PARVG: variants seen among roughly 807,000 people sequenced by gnomAD.
PARVG encodes gamma-parvin.
PARVG carries 36 observed loss-of-function variants against 44.4 expected under a neutral mutation model. That is an observed-to-expected ratio of 0.81 (90% CI 0.62 to 1.07). The LOEUF (loss-of-function observed/expected upper bound fraction) is 1.07, where lower values mean the gene tolerates loss of function less well. PARVG is among the 50% of genes least tolerant of loss of function. PARVG has a pLI of 0.00. For synonymous variants in PARVG, 170 were observed against 174.1 expected, an observed-to-expected ratio of 0.98 and a Z score of 0.19; for missense variants, 407 against 407.4, an observed-to-expected ratio of 1.00 and a Z score of 0.01.
At chr22:44,191,063 G>C (rs1411984235) in intron 7 of PARVG, among the ~76,000 whole-genome samples, 2 of 152,214 alleles carry the variant, frequency 1.3e-5, no homozygotes, top group Non-Finnish European at 2.9e-5. Flanking sequence ...TGAGGGTACT[G>C]TCTCCTGTGA....
intron 1 of PARVG, among the ~76,000 whole-genome samples, chr22:44,175,483 C>T (rs955555834): frequency 6.6e-6 from 1 of 152,228 alleles, no homozygotes; most frequent in Non-Finnish European, 1.5e-5. Context: ...TTGGGCAGCT[C>T]AGAATTAGTG....
intron 4 of PARVG, chr22:44,186,697 C>G (rs1015850587): frequency 2.1e-6 from 1 of 469,724 alleles, no homozygotes; most frequent in Non-Finnish European, 4.4e-6. Context: ...GATCCAGAGA[C>G]AAGGATTTGG....
rs768377830 is a variant in PARVG at position 44,189,207 on chromosome 22, A to G, written c.341A>G (p.Asn114Ser). The G allele has an allele frequency of 6.2e-7, 1 of 1,614,228 alleles. No individual in the cohort carries two copies. Among genetic ancestry groups the G allele is most frequent in the South Asian group, 1.1e-5 (1 of 91,088 alleles). Residue 114 changes from asparagine to serine, a missense_variant, in exon 6 of 14, where the codon AAC (asparagine) becomes AGC (serine). Asn to Ser is a conservative substitution (Grantham distance 46). Coordinates refer to ENST00000444313, the MANE Select transcript of PARVG (RefSeq NM_022141.7). ...CTCACAGTGGTGCTGGAGGCCGTGAACCGGAGTCTGCAGCTGGAGGAGTGG... is the reference window on the plus strand; with the variant it reads ...CTCACAGTGGTGCTGGAGGCCGTGAGCCGGAGTCTGCAGCTGGAGGAGTGG... ...HKLTVVLEAV[N>S]RSLQLEEWQA...
chr22:44,190,570 G>A lies in PARVG; in HGVS notation c.408G>A (p.Leu136=), dbSNP rs745337844. ...WSVESIFNKD[L]LSTLHLLVAL... Reference sequence around the variant, plus strand: ...TCCCAGGCATCTTCAACAAGGACCTGTTGTCTACCCTGCACCTCCTTGTGG... The same window carrying A: ...TCCCAGGCATCTTCAACAAGGACCTATTGTCTACCCTGCACCTCCTTGTGG... Residue 136 remains leucine (L), a synonymous_variant, in exon 7 of 14, where the codon CTG becomes CTA. Coordinates refer to ENST00000444313, the MANE Select transcript of PARVG (RefSeq NM_022141.7). The A allele has an allele frequency of 6.2e-7, 1 of 1,614,156 alleles. No individual in the cohort carries two copies. Among genetic ancestry groups the A allele is most frequent in the Admixed American group, 1.7e-5 (1 of 60,030 alleles).
chr22:44,175,241 A>T (rs940583079), intron 1 of PARVG, among the ~76,000 whole-genome samples: 1 of 152,308 alleles, frequency 6.6e-6, no homozygotes, highest in Admixed American at 6.5e-5. Flanking sequence ...CGTGGTGGGG[A>T]GGGGGCTCTC....
Position 44,181,883 on chromosome 22 carries a change from G to A in PARVG, c.-47G>A. On this transcript the variant is annotated 5_prime_UTR_variant, in exon 2 of 14. Transcript: ENST00000444313. ...ATCCAGGGACCACCCTTTGCACTCAGTAGGCCTTTGTTTTCCTGCGTGGAA... is the reference window on the plus strand; with the variant it reads ...ATCCAGGGACCACCCTTTGCACTCAATAGGCCTTTGTTTTCCTGCGTGGAA... The A allele has an allele frequency of 1.0e-6, 1 of 985,560 alleles. No homozygotes were observed. The highest frequency in any genetic ancestry group is 1.2e-6 in the Non-Finnish European group (1 of 830,036). 61.1% of individuals were successfully genotyped at this position (985,560 alleles called of 1,614,324 possible). A position where few individuals can be genotyped will look rare whatever the true frequency, so the allele number is the denominator to read the frequency against.
At chr22:44,181,325 CA>C in intron 1 of PARVG, 140 bp downstream of exon 1, 1 of 985,362 alleles carries the variant, frequency 1.0e-6, no homozygotes, top group Non-Finnish European at 1.2e-6. Flanking sequence ...AGCCTCAGCT[CA>C]GGGGCGGGCA....
At chr22:44,200,118 G>A (rs556186086) in intron 12 of PARVG, among the ~76,000 whole-genome samples, 1 of 152,342 alleles carries the variant, frequency 6.6e-6, no homozygotes, top group African/African-American at 2.4e-5. Flanking sequence ...CCTGTGGTGT[G>A]TGCCACCACT....
intron 3 of PARVG, chr22:44,183,714 A>C: frequency 2.4e-6 from 1 of 417,860 alleles, no homozygotes; most frequent in South Asian, 8.0e-5. Context: ...ATAGCAACTC[A>C]TTTATTCTCA....
intron 11 of PARVG, among the ~76,000 whole-genome samples, chr22:44,197,821 G>C (rs962228330): frequency 1.3e-5 from 2 of 152,206 alleles, no homozygotes; most frequent in Admixed American, 6.5e-5. Flanking sequence ...AAATAAGTGA[G>C]AGATTTGTAG....
intron 12 of PARVG, among the ~76,000 whole-genome samples, chr22:44,200,995 A>C: frequency 6.7e-6 from 1 of 149,936 alleles, no homozygotes. Flanking sequence ...CTTCCTGCCG[A>C]CTCCCAGCCA....
chr22:44,185,728 A>C, intron 3 of PARVG, 80 bp from the exon 4 acceptor site: 1 of 1,300,848 alleles, frequency 7.7e-7, no homozygotes, highest in Middle Eastern at 1.8e-4. Flanking sequence ...CGGTGCTGAA[A>C]TCTGTGGGTG....
chr22:44,197,181 C>T (rs1233269257), intron 11 of PARVG, among the ~76,000 whole-genome samples: 2 of 152,058 alleles, frequency 1.3e-5, no homozygotes, highest in East Asian at 1.9e-4. Context: ...TCATGAAGAT[C>T]GTAGCCAGAG....
At chr22:44,203,533 T>C (rs560984140) in intron 12 of PARVG, among the ~76,000 whole-genome samples, 152 of 152,316 alleles carry the variant, frequency 1.0e-3, no homozygotes, top group African/African-American at 3.3e-3. Context: ...GCTCGCTGAA[T>C]GTATCAAAGG....
intron 2 of PARVG, 182 bp from the exon 3 acceptor site, chr22:44,183,136 A>G (rs1322548959): frequency 1.8e-6 from 1 of 542,812 alleles, no homozygotes; most frequent in East Asian, 3.4e-5. Context: ...TCACCCCGCA[A>G]GGGTTGGCTC....
intron 12 of PARVG, among the ~76,000 whole-genome samples, chr22:44,202,345 C>T (rs1334347693): frequency 6.6e-6 from 1 of 152,168 alleles, no homozygotes; most frequent in African/African-American, 2.4e-5. Context: ...AGGAAGGGGG[C>T]AGGCAGGACC....
At chr22:44,191,120 T>G (rs1308734922) in intron 7 of PARVG, among the ~76,000 whole-genome samples, 2 of 152,208 alleles carry the variant, frequency 1.3e-5, no homozygotes, top group African/African-American at 4.8e-5. Context: ...CTAGGAACCT[T>G]GCCGGGTTTC....
Position 44,183,177 on chromosome 22 carries a change from C to A in PARVG, c.-12-141C>A, listed in dbSNP as rs1035113027. 4 of 700,396 alleles carry A rather than the reference C, an allele frequency of 5.7e-6. No individual in the cohort carries two copies. The South Asian group carries it at 6.0e-5, about 10-fold the overall frequency. 43.4% of individuals were successfully genotyped at this position (700,396 alleles called of 1,614,324 possible). On this transcript the variant is annotated intron_variant, in intron 2 of 13. Transcript: ENST00000444313. ...CTCTTTCTCACAGGGCCCGTACCCC[C>A]TGCCTAGGCTGGCATGCTGACGTGT...
At chr22:44,187,369 G>T (rs1038722488) in intron 4 of PARVG, 1 of 230,378 alleles carries the variant, frequency 4.3e-6, no homozygotes, top group Non-Finnish European at 8.7e-6. Context: ...ACCTCAGAAG[G>T]GGCACCTTTA....
Sources: gnomAD v4.1 joint callset for allele counts (sites outside exome capture counted in the v4.1 genomes callset) on GRCh38, gnomAD v4.1.1 for gene constraint, MANE v1.5 for transcripts, NCBI Gene and HGNC (gene_info 2026-07-23, HGNC 2026-07-21) for gene names.